Variants in SUGCT observed in about 807,000 individuals in gnomAD.
SUGCT encodes the protein succinyl-CoA:glutarate CoA-transferase.
Under a neutral mutation model 55.0 loss-of-function variants are expected in SUGCT, and 41 were observed. That is an observed-to-expected ratio of 0.74 (90% CI 0.58 to 0.97). The LOEUF is 0.97. Ranked by LOEUF, SUGCT falls within the 50% of genes least tolerant of loss-of-function variation. SUGCT has a pLI of 0.00. For synonymous variants in SUGCT, 187 were observed against 200.4 expected (o/e 0.93, Z 0.56); for missense variants, 568 against 547.8 (o/e 1.04, Z -0.37).
chr7:41,013,265 A>G, the SUGCT span, among the ~76,000 whole-genome samples: 1 of 152,204 alleles, frequency 6.6e-6, no homozygotes, highest in Non-Finnish European at 1.5e-5. Flanking sequence ...ATGGCTTGGT[A>G]AACTAATCAC....
At chr7:40,379,876 G>A (rs1426139655) in intron 9 of SUGCT, among the ~76,000 whole-genome samples, 1 of 152,164 alleles carries the variant, frequency 6.6e-6, no homozygotes, top group Non-Finnish European at 1.5e-5. Context: ...AGGTTAACAG[G>A]AATATGGTGG....
chr7:40,506,986 T>C (rs1792642358), intron 12 of SUGCT, among the ~76,000 whole-genome samples: 1 of 152,208 alleles, frequency 6.6e-6, no homozygotes, highest in Non-Finnish European at 1.5e-5. Context: ...TTTTCTTTTG[T>C]TCTTTGAGCA....
At chr7:40,280,328 C>G (rs1792869289) in intron 8 of SUGCT, among the ~76,000 whole-genome samples, 1 of 152,118 alleles carries the variant, frequency 6.6e-6, no homozygotes, top group Non-Finnish European at 1.5e-5. Context: ...ACATCAGCAT[C>G]TAAACAGTGT....
chr7:40,472,395 A>G (rs1046251531), intron 11 of SUGCT, among the ~76,000 whole-genome samples: 1 of 152,176 alleles, frequency 6.6e-6, no homozygotes. Flanking sequence ...TGCTTATTAC[A>G]TCAGACTAAT....
chr7:40,446,186 A>G (rs1788824108), intron 9 of SUGCT, among the ~76,000 whole-genome samples: 1 of 152,158 alleles, frequency 6.6e-6, no homozygotes, highest in South Asian at 2.1e-4. Flanking sequence ...CTGCAGGGAA[A>G]AATATGCATT....
rs114817940 is a variant in SUGCT at position 40,611,378 on chromosome 7, C to T, written c.1089+114992C>T. 6.0e-3 allele frequency among the ~76,000 whole-genome samples: 906 copies of T among 152,012 alleles called. 10 individuals are homozygous for T. The highest frequency in any genetic ancestry group is 0.02 in the African/African-American group (847 of 41,444). Reference sequence around the variant, plus strand: ...AGTAATGACTCATTTAAAATAATACCCTAGGAAGTTTTCCATTTTAGATTA... The same window carrying T: ...AGTAATGACTCATTTAAAATAATACTCTAGGAAGTTTTCCATTTTAGATTA... On this transcript the variant is annotated intron_variant, in intron 12 of 13. Coordinates refer to ENST00000335693, the MANE Select transcript of SUGCT (RefSeq NM_001193313.2).
At chr7:40,206,189 T>C (rs569353088) in intron 6 of SUGCT, among the ~76,000 whole-genome samples, 31 of 152,242 alleles carry the variant, frequency 2.0e-4, no homozygotes, top group Admixed American at 1.7e-3. Flanking sequence ...TTTCCCCTTA[T>C]GGTAATAGGC....
intron 9 of SUGCT, among the ~76,000 whole-genome samples, chr7:40,373,501 C>T (rs1176716693): frequency 2.0e-5 from 3 of 151,812 alleles, no homozygotes; most frequent in African/African-American, 7.2e-5. Context: ...TGAGGGTACT[C>T]ATTTGACATG....
intron 12 of SUGCT, among the ~76,000 whole-genome samples, chr7:40,660,476 C>T (rs1178652489): frequency 6.6e-6 from 1 of 152,122 alleles, no homozygotes; most frequent in Non-Finnish European, 1.5e-5. Context: ...TCAGGCTGGT[C>T]TCGAACTCCT....
chr7:40,407,079 G>C (rs1260540104), intron 9 of SUGCT, among the ~76,000 whole-genome samples: 1 of 152,052 alleles, frequency 6.6e-6, no homozygotes, highest in Non-Finnish European at 1.5e-5. Flanking sequence ...AGAACAAAGA[G>C]CTTGAAGGCC....
intron 6 of SUGCT, among the ~76,000 whole-genome samples, chr7:40,206,649 T>C (rs1786992885): frequency 2.6e-5 from 4 of 152,218 alleles, no homozygotes; most frequent in Admixed American, 2.6e-4. Context: ...ATGATAGGCA[T>C]AGTGTTTGCA....
At chr7:41,001,845 G>A in the SUGCT span, among the ~76,000 whole-genome samples, 1 of 152,172 alleles carries the variant, frequency 6.6e-6, no homozygotes, top group African/African-American at 2.4e-5. Flanking sequence ...TAACAGGGAT[G>A]TAGCCTCCAG....
intron 13 of SUGCT, among the ~76,000 whole-genome samples, chr7:40,844,626 T>C (rs1014354979): frequency 6.6e-6 from 1 of 152,162 alleles, no homozygotes; most frequent in African/African-American, 2.4e-5. Context: ...AGGGTGGTTT[T>C]GGAAAAGGCA....
chr7:40,218,814 G>A (rs566619565), intron 6 of SUGCT, among the ~76,000 whole-genome samples: 1 of 152,132 alleles, frequency 6.6e-6, no homozygotes, highest in African/African-American at 2.4e-5. Context: ...TGTAAAAATG[G>A]ACCAGTCAGC....
the SUGCT span, among the ~76,000 whole-genome samples, chr7:40,960,636 T>TAAG: frequency 6.6e-6 from 1 of 152,238 alleles, no homozygotes; most frequent in Non-Finnish European, 1.5e-5. Context: ...AGAAACATTA[T>TAAG]AAGTATATAT....
At chr7:40,244,708 C>T (rs530823544) in intron 7 of SUGCT, among the ~76,000 whole-genome samples, 5 of 152,206 alleles carry the variant, frequency 3.3e-5, no homozygotes, top group East Asian at 3.9e-4. Context: ...CAAAAGGCAC[C>T]GTATTATTCT....
chr7:40,416,620 C>T (rs1787016427), intron 9 of SUGCT, among the ~76,000 whole-genome samples: 1 of 151,802 alleles, frequency 6.6e-6, no homozygotes, highest in South Asian at 2.1e-4. Context: ...TAAACTGTAC[C>T]TGATGACAAT....
intron 13 of SUGCT, among the ~76,000 whole-genome samples, chr7:40,791,083 C>T (rs1354039394): frequency 6.6e-6 from 1 of 152,070 alleles, no homozygotes; most frequent in African/African-American, 2.4e-5. Context: ...AACAAAAATC[C>T]TTTCTTTTAC....
At chr7:40,920,967 G>A in the SUGCT span, among the ~76,000 whole-genome samples, 1 of 152,180 alleles carries the variant, frequency 6.6e-6, no homozygotes, top group African/African-American at 2.4e-5. Context: ...GTATTCCTGT[G>A]CTATGCTCAC....
Sources: gnomAD v4.1 joint callset for allele counts (sites outside exome capture counted in the v4.1 genomes callset) on GRCh38, gnomAD v4.1.1 for gene constraint, MANE v1.5 for transcripts, NCBI Gene and HGNC (gene_info 2026-07-23, HGNC 2026-07-21) for gene names.